Variants in MMP16 observed in about 807,000 individuals in gnomAD.
MMP16 encodes the protein matrix metalloproteinase-16.
In MMP16, 12 loss-of-function variants were observed where a neutral mutation model predicts 67.8. That is an observed-to-expected ratio of 0.18 (90% CI 0.11 to 0.29). MMP16 has a LOEUF of 0.29. Among genes scored for constraint, MMP16 ranks in the 10% least tolerant of loss-of-function variants. The pLI, the probability that MMP16 is intolerant of heterozygous loss-of-function variation, is 1.00. For synonymous variants in MMP16, 249 were observed against 255.9 expected (o/e 0.97, Z 0.26); for missense variants, 475 against 765.7 (o/e 0.62, Z 4.48).
At chr8:88,118,893 A>T (rs763064102) in intron 4 of MMP16, 32 bp from the exon 5 acceptor site, 14 of 1,596,172 alleles carry the variant, frequency 8.8e-6, no homozygotes, top group Non-Finnish European at 1.1e-5. Flanking sequence ...AAGTTTTTGT[A>T]ACTAATATCC....
intron 1 of MMP16, among the ~76,000 whole-genome samples, chr8:88,283,818 T>G (rs1282303389): frequency 6.6e-6 from 1 of 152,198 alleles, no homozygotes; most frequent in African/African-American, 2.4e-5. Flanking sequence ...TGGATATATT[T>G]TCTTCTGCTA....
At chr8:88,054,434 T>C (rs1275035734) in intron 8 of MMP16, among the ~76,000 whole-genome samples, 1 of 152,190 alleles carries the variant, frequency 6.6e-6, no homozygotes, top group Non-Finnish European at 1.5e-5. Context: ...TTTACTTTCA[T>C]TAGTGGCCAC....
At chr8:88,252,162 A>C in intron 1 of MMP16, among the ~76,000 whole-genome samples, 1 of 149,606 alleles carries the variant, frequency 6.7e-6, no homozygotes, top group East Asian at 2.0e-4. Context: ...CCAAAGGACT[A>C]TAAATCATGC....
chr8:88,204,293 T>G (rs924424744), intron 1 of MMP16, among the ~76,000 whole-genome samples: 1 of 152,204 alleles, frequency 6.6e-6, no homozygotes, highest in African/African-American at 2.4e-5. Flanking sequence ...TTTACAGAAT[T>G]GAGGGATAGC....
chr8:88,291,157 T>G (rs1182728983), intron 1 of MMP16, among the ~76,000 whole-genome samples: 1 of 152,008 alleles, frequency 6.6e-6, no homozygotes. Context: ...GGTGGATGCT[T>G]GTAGTCCCAG....
intron 6 of MMP16, among the ~76,000 whole-genome samples, chr8:88,079,179 C>T (rs1424915125): frequency 1.3e-5 from 2 of 152,106 alleles, no homozygotes; most frequent in African/African-American, 2.4e-5. Context: ...CCTTAAGACA[C>T]CTTGCAGGCA....
At chr8:88,244,379 GC>G (rs901886392) in intron 1 of MMP16, among the ~76,000 whole-genome samples, 17 of 152,284 alleles carry the variant, frequency 1.1e-4, no homozygotes, top group African/African-American at 3.8e-4. Flanking sequence ...GAATGTAAAA[GC>G]CATATCGAAC....
chr8:88,327,254 C>T lies in MMP16; in HGVS notation c.-48G>A, dbSNP rs1447801737. 2.5e-6 allele frequency: 4 copies of T among 1,610,232 alleles called. No individual in the cohort carries two copies. The highest frequency in any genetic ancestry group is 2.2e-5 in the South Asian group (2 of 90,924). ...GGACGAGCTCCCCTTCGTTTTCTCC[C>T]TCTCTCCCTCTCCCTCCCTCCCTCG... On this transcript the variant is annotated 5_prime_UTR_variant, in exon 1 of 10. Transcript: ENST00000286614.
At position 88,049,889 on chromosome 8, in the gene MMP16, G is replaced by A. The variant is rs541589690; in HGVS notation, c.1374-3105C>T. On this transcript the variant is annotated intron_variant, in intron 8 of 9. Coordinates refer to ENST00000286614, the MANE Select transcript of MMP16 (RefSeq NM_005941.5). ...AAACTCAAAAAACTAGCTGGGCATG[G>A]TGGTGCACACCTTTAGTTCCAGCTA... 2.1e-4 allele frequency among the ~76,000 whole-genome samples: 32 copies of A among 152,268 alleles called. No homozygotes were observed. The South Asian group carries it at 6.2e-3, about 30-fold the overall frequency.
chr8:88,056,295 T>C lies in MMP16; in HGVS notation c.1223-17A>G. 1 of 1,420,102 alleles carries C rather than the reference T, an allele frequency of 7.0e-7. No homozygotes were observed. The highest frequency in any genetic ancestry group is 9.5e-7 in the Non-Finnish European group (1 of 1,055,490). The allele number at this position is 1,420,102 out of a possible 1,614,324, so 88.0% of individuals were successfully genotyped here. A position where few individuals can be genotyped will look rare whatever the true frequency, so the allele number is the denominator to read the frequency against. ...ATTTGTTACCTGTATGGAATAAGTG[T>C]AAATGTAGAATATATTAATTTAATG... is the stretch of plus-strand genomic sequence containing the variant. On this transcript the variant is annotated splice_polypyrimidine_tract_variant and intron_variant, in intron 7 of 9. Coordinates refer to ENST00000286614, the MANE Select transcript of MMP16 (RefSeq NM_005941.5).
chr8:88,252,332 C>T (rs1317492292), intron 1 of MMP16, among the ~76,000 whole-genome samples: 1 of 152,060 alleles, frequency 6.6e-6, no homozygotes, highest in Non-Finnish European at 1.5e-5. Context: ...TATGCTGGTT[C>T]TAGCTCATCA....
At chr8:88,247,618 T>C (rs1751047887) in intron 1 of MMP16, among the ~76,000 whole-genome samples, 1 of 152,036 alleles carries the variant, frequency 6.6e-6, no homozygotes, top group African/African-American at 2.4e-5. Context: ...CAGGAAAATA[T>C]GCACAAAAGA....
intron 1 of MMP16, among the ~76,000 whole-genome samples, chr8:88,261,153 A>T (rs764197598): frequency 2.0e-5 from 3 of 152,132 alleles, no homozygotes; most frequent in Non-Finnish European, 4.4e-5. Context: ...AGACATACTG[A>T]TTCTAATTTA....
In MMP16 at chr8:88,244,710, A is replaced by C. The variant is rs577467716; in HGVS notation, c.133-47404T>G. Among the ~76,000 whole-genome samples, 162 of 152,268 alleles carry C rather than the reference A, an allele frequency of 1.1e-3. 2 individuals are homozygous for C. Among genetic ancestry groups the C allele is most frequent in the Non-Finnish European group, 5.4e-4 (37 of 68,014 alleles). On this transcript the variant is annotated intron_variant, in intron 1 of 9. Transcript: ENST00000286614. Reference sequence around the variant, plus strand: ...AAGGTAGGGCTGGTGCTTGAACACAAGCAGTGTGGCTCAGAGACTTGATTT... The same window carrying C: ...AAGGTAGGGCTGGTGCTTGAACACACGCAGTGTGGCTCAGAGACTTGATTT...
intron 9 of MMP16, among the ~76,000 whole-genome samples, chr8:88,044,265 C>T (rs959989050): frequency 1.3e-5 from 2 of 152,112 alleles, no homozygotes; most frequent in Non-Finnish European, 2.9e-5. Context: ...GGGCATCATA[C>T]AGGAGTTATA....
intron 8 of MMP16, among the ~76,000 whole-genome samples, chr8:88,054,748 T>C (rs894563765): frequency 3.9e-5 from 6 of 152,236 alleles, no homozygotes; most frequent in Non-Finnish European, 8.8e-5. Flanking sequence ...TAGCAACTTT[T>C]TGTTCTCACA....
chr8:88,106,172 T>C (rs1415765137), intron 6 of MMP16, among the ~76,000 whole-genome samples: 1 of 150,960 alleles, frequency 6.6e-6, no homozygotes, highest in Non-Finnish European at 1.5e-5. Flanking sequence ...CACTCAGTGT[T>C]TTCAGTTTCT....
chr8:88,072,075 G>A (rs182667120), intron 7 of MMP16, among the ~76,000 whole-genome samples: 1 of 152,254 alleles, frequency 6.6e-6, no homozygotes, highest in Non-Finnish European at 1.5e-5. Context: ...GTTATGCAGG[G>A]AAGGGGATCA....
At chr8:88,164,395 G>A (rs149626093) in intron 4 of MMP16, among the ~76,000 whole-genome samples, 40 of 152,078 alleles carry the variant, frequency 2.6e-4, no homozygotes, top group Middle Eastern at 3.4e-3. Context: ...AGTTAGAATC[G>A]AGGATGTACA....
Sources: allele counts gnomAD v4.1 joint callset (sites outside exome capture counted in the v4.1 genomes callset), GRCh38; gene constraint gnomAD v4.1.1; transcripts MANE v1.5; gene names NCBI Gene and HGNC (gene_info 2026-07-23, HGNC 2026-07-21).